SMIM36: variants seen among roughly 807,000 people sequenced by gnomAD.
The protein encoded by SMIM36 is small integral membrane protein 36.
the SMIM36 span, among the ~76,000 whole-genome samples, chr17:55,517,969 G>C: frequency 1.3e-5 from 2 of 152,176 alleles, no homozygotes; most frequent in African/African-American, 2.4e-5. Context: ...AAATAATAAA[G>C]AGGAGTGAAC....
chr17:55,487,721 C>T (rs559842855), intron 1 of SMIM36, among the ~76,000 whole-genome samples: 1 of 152,232 alleles, frequency 6.6e-6, no homozygotes, highest in South Asian at 2.1e-4. Context: ...TCTCTTCCCT[C>T]CAGCAGTATC....
the SMIM36 span, among the ~76,000 whole-genome samples, chr17:55,521,863 T>TTC: frequency 6.6e-6 from 1 of 151,894 alleles, no homozygotes; most frequent in Non-Finnish European, 1.5e-5. Flanking sequence ...TTGACTTTTT[T>TTC]TTTTTTTTTG....
chr17:55,482,035 G>A (rs1909529278), intron 1 of SMIM36, among the ~76,000 whole-genome samples: 1 of 152,062 alleles, frequency 6.6e-6, no homozygotes, highest in Non-Finnish European at 1.5e-5. Context: ...TTTATGAAGT[G>A]GTATAGGACA....
At chr17:55,469,978 A>G (rs1041883898) in intron 3 of SMIM36, among the ~76,000 whole-genome samples, 10 of 99,896 alleles carry the variant, frequency 1.0e-4, no homozygotes, top group Non-Finnish European at 1.8e-4. Context: ...GTGAAACTCC[A>G]TCTAAAAAAA....
chr17:55,514,749 A>G (rs1272539996), upstream of SMIM36, among the ~76,000 whole-genome samples: 1 of 152,224 alleles, frequency 6.6e-6, no homozygotes, highest in Non-Finnish European at 1.5e-5. Flanking sequence ...CCAGATAAAT[A>G]TGTGTCCCAT....
upstream of SMIM36, among the ~76,000 whole-genome samples, chr17:55,515,662 C>T (rs562762995): frequency 2.0e-4 from 30 of 152,210 alleles, no homozygotes; most frequent in African/African-American, 7.0e-4. Flanking sequence ...CCATGGAATG[C>T]CAAGGACTGC....
intron 1 of SMIM36, among the ~76,000 whole-genome samples, chr17:55,498,959 G>A (rs1448575313): frequency 1.6e-5 from 2 of 125,204 alleles, no homozygotes; most frequent in African/African-American, 6.3e-5. Flanking sequence ...AGATCTGGCT[G>A]CTGCACTCTA....
the SMIM36 span, among the ~76,000 whole-genome samples, chr17:55,523,508 C>T: frequency 0.045 from 6,417 of 142,452 alleles, 464 homozygotes; most frequent in African/African-American, 0.16. Context: ...CCAGCTTGGG[C>T]GACAGAGTGA....
the SMIM36 span, among the ~76,000 whole-genome samples, chr17:55,525,721 G>A: frequency 2.0e-5 from 3 of 152,058 alleles, no homozygotes. Flanking sequence ...GCAGTGGCGT[G>A]ATCTCGGCTC....
At chr17:55,521,385 C>G in the SMIM36 span, among the ~76,000 whole-genome samples, 1 of 152,180 alleles carries the variant, frequency 6.6e-6, no homozygotes, top group Non-Finnish European at 1.5e-5. Flanking sequence ...GATCACTTCC[C>G]TGGTCTGCTT....
At chr17:55,525,458 G>A in the SMIM36 span, among the ~76,000 whole-genome samples, 1 of 152,008 alleles carries the variant, frequency 6.6e-6, no homozygotes, top group African/African-American at 2.4e-5. Flanking sequence ...AAATTTCATT[G>A]TATGCACAAC....
At chr17:55,515,353 GC>G (rs1454828497), upstream of SMIM36, among the ~76,000 whole-genome samples, 1 of 152,084 alleles carries the variant, frequency 6.6e-6, no homozygotes, top group Non-Finnish European at 1.5e-5. Context: ...TCACCTGGCA[GC>G]CTCTGGAGAA....
At chr17:55,515,114 T>TTTG (rs1910250895), upstream of SMIM36, among the ~76,000 whole-genome samples, 1 of 133,454 alleles carries the variant, frequency 7.5e-6, no homozygotes, top group African/African-American at 2.9e-5. Flanking sequence ...TTTTTTTTTT[T>TTTG]GCGCTGGAAC....
chr17:55,480,441 A>C (rs1173546937), intron 1 of SMIM36, among the ~76,000 whole-genome samples: 1 of 152,256 alleles, frequency 6.6e-6, no homozygotes, highest in Non-Finnish European at 1.5e-5. Context: ...TCTGGTTTCA[A>C]TCTCCAGGCT....
the SMIM36 span, among the ~76,000 whole-genome samples, chr17:55,529,609 T>TACACACACACAG: frequency 1.4e-5 from 2 of 142,922 alleles, no homozygotes; most frequent in African/African-American, 5.2e-5. Context: ...CTACTAAAAA[T>TACACACACACAG]ACACACACAC....
At chr17:55,457,745 C>T (rs139322077) in intron 4 of SMIM36, among the ~76,000 whole-genome samples, 46 of 151,982 alleles carry the variant, frequency 3.0e-4, no homozygotes, top group African/African-American at 1.0e-3. Context: ...AGGCTGGTCT[C>T]GAACTCCTGG....
At chr17:55,471,807 C>A (rs1175408591) in intron 3 of SMIM36, among the ~76,000 whole-genome samples, 1 of 152,196 alleles carries the variant, frequency 6.6e-6, no homozygotes, top group Non-Finnish European at 1.5e-5. Flanking sequence ...GACCTGCTGC[C>A]TTTCTGTCAA....
the SMIM36 span, among the ~76,000 whole-genome samples, chr17:55,518,654 A>C: frequency 6.6e-6 from 1 of 152,188 alleles, no homozygotes. Context: ...TGAAATATTG[A>C]AGAGAAATGG....
chr17:55,507,741 AG>A (rs1287854197), intron 1 of SMIM36, among the ~76,000 whole-genome samples: 15 of 151,498 alleles, frequency 9.9e-5, no homozygotes, highest in African/African-American at 3.6e-4. Context: ...AAAAAAAAAA[AG>A]AAAAAAAAAG....
Sources: allele counts gnomAD v4.1 joint callset (sites outside exome capture counted in the v4.1 genomes callset), GRCh38; gene constraint gnomAD v4.1.1; transcripts MANE v1.5; gene names NCBI Gene and HGNC (gene_info 2026-07-23, HGNC 2026-07-21).